The following ROBO2 variants were observed in gnomAD, a reference collection of about 807,000 sequenced individuals.
The protein encoded by ROBO2 is roundabout homolog 2.
In ROBO2, 53 loss-of-function variants were observed where a neutral mutation model predicts 160.8. The observed-to-expected ratio is 0.33, with a 90% confidence interval of 0.26 to 0.41. The LOEUF (loss-of-function observed/expected upper bound fraction) is 0.41, where lower values mean the gene tolerates loss of function less well. ROBO2 is among the 10% of genes least tolerant of loss of function. ROBO2 has a pLI of 1.00. For synonymous variants in ROBO2, 664 were observed against 611.7 expected, an observed-to-expected ratio of 1.09 and a Z score of -1.26; for missense variants, 1,577 against 1,722.4, an observed-to-expected ratio of 0.92 and a Z score of 1.49.
chr3:77,224,948 T>C (rs2086296519), intron 2 of ROBO2, among the ~76,000 whole-genome samples: 1 of 151,942 alleles, frequency 6.6e-6, no homozygotes, highest in Non-Finnish European at 1.5e-5. Context: ...AAATTGTAGC[T>C]ATAGGTTTAA....
At chr3:77,042,640 T>A (rs548503006) in intron 1 of ROBO2, among the ~76,000 whole-genome samples, 1 of 152,310 alleles carries the variant, frequency 6.6e-6, no homozygotes, top group East Asian at 1.9e-4. Context: ...TTAACCAGCT[T>A]GCTGGAGCAG....
chr3:77,338,327 G>A (rs2066704590), intron 2 of ROBO2, among the ~76,000 whole-genome samples: 1 of 152,050 alleles, frequency 6.6e-6, no homozygotes, highest in African/African-American at 2.4e-5. Flanking sequence ...CTCCCCCCTT[G>A]TTCTGGTCAG....
At chr3:77,277,027 A>G (rs1456060740) in intron 2 of ROBO2, among the ~76,000 whole-genome samples, 4 of 152,152 alleles carry the variant, frequency 2.6e-5, no homozygotes, top group Non-Finnish European at 5.9e-5. Flanking sequence ...AAGGTGAGAT[A>G]TGGGTGCGGA....
chr3:77,403,904 GC>G (rs1018056241), intron 2 of ROBO2, among the ~76,000 whole-genome samples: 40 of 152,004 alleles, frequency 2.6e-4, no homozygotes, highest in African/African-American at 9.6e-4. Flanking sequence ...CTGTTCTCAA[GC>G]CTGAATTGCT....
intron 2 of ROBO2, among the ~76,000 whole-genome samples, chr3:76,755,534 C>T (rs2060920796): frequency 1.3e-5 from 2 of 151,848 alleles, no homozygotes; most frequent in Non-Finnish European, 2.9e-5. Flanking sequence ...AACTAGCTAA[C>T]CTTCAAGGCA....
chr3:76,478,629 A>T (rs2107266756), intron 2 of ROBO2, among the ~76,000 whole-genome samples: 1 of 152,090 alleles, frequency 6.6e-6, no homozygotes, highest in African/African-American at 2.4e-5. Flanking sequence ...ATGTGCATTA[A>T]ACAGTTGCAT....
chr3:76,426,489 C>A (rs940466614), intron 2 of ROBO2, among the ~76,000 whole-genome samples: 1 of 151,964 alleles, frequency 6.6e-6, no homozygotes, highest in Admixed American at 6.6e-5. Context: ...AAGGCATGAC[C>A]ACTGGGTCTA....
rs190560046 is a variant in ROBO2 at position 77,346,262 on chromosome 3, G to C, written c.389-131152G>C. Among the ~76,000 whole-genome samples, 600 of 152,158 alleles carry C rather than the reference G, an allele frequency of 3.9e-3. 1 individual carries two copies. The highest frequency in any genetic ancestry group is 8.7e-3 in the Admixed American group (133 of 15,260). ...AAATGTAATCCCTTTTAAAACAAAT[G>C]TAAGTCATGCTTTTTAAGCTAAATG... On this transcript the variant is annotated intron_variant, in intron 2 of 25. Coordinates refer to ENST00000461745, the Ensembl canonical transcript of ROBO2.
intron 2 of ROBO2, among the ~76,000 whole-genome samples, chr3:76,206,820 G>A (rs537125863): frequency 1.5e-4 from 23 of 152,096 alleles, no homozygotes; most frequent in South Asian, 4.1e-4. Context: ...GGGTAGTAAT[G>A]TGCAAAGCAT....
At chr3:76,759,515 T>A (rs1338428013) in intron 2 of ROBO2, among the ~76,000 whole-genome samples, 1 of 151,782 alleles carries the variant, frequency 6.6e-6, no homozygotes, top group African/African-American at 2.4e-5. Flanking sequence ...AGGTTGGCGA[T>A]ATGGCACAAC....
At chr3:77,521,876 C>T (rs2090632541) in intron 5 of ROBO2, among the ~76,000 whole-genome samples, 1 of 150,964 alleles carries the variant, frequency 6.6e-6, no homozygotes, top group Non-Finnish European at 1.5e-5. Flanking sequence ...CAGACACAAC[C>T]AATTAAAATG....
At chr3:76,306,569 T>A (rs1369053090) in intron 2 of ROBO2, among the ~76,000 whole-genome samples, 1 of 152,120 alleles carries the variant, frequency 6.6e-6, no homozygotes, top group Non-Finnish European at 1.5e-5. Context: ...TTGAAGCAAA[T>A]GCTAGCAGGA....
chr3:76,401,231 AT>A (rs1186283248), intron 2 of ROBO2, among the ~76,000 whole-genome samples: 1 of 151,476 alleles, frequency 6.6e-6, no homozygotes, highest in Non-Finnish European at 1.5e-5. Context: ...TATCTTGTAA[AT>A]TTTTTGAAAC....
intron 2 of ROBO2, among the ~76,000 whole-genome samples, chr3:76,637,874 A>G (rs2090426418): frequency 6.6e-6 from 1 of 152,208 alleles, no homozygotes. Context: ...AGATTTACAT[A>G]GAATCTAAAA....
At chr3:77,251,469 G>C (rs928581823) in intron 2 of ROBO2, among the ~76,000 whole-genome samples, 1 of 152,102 alleles carries the variant, frequency 6.6e-6, no homozygotes, top group Non-Finnish European at 1.5e-5. Flanking sequence ...CAACGCCCTA[G>C]CTTGCTTAGA....
At chr3:76,322,309 A>G (rs1475859797) in intron 2 of ROBO2, among the ~76,000 whole-genome samples, 2 of 151,246 alleles carry the variant, frequency 1.3e-5, no homozygotes, top group Admixed American at 1.3e-4. Flanking sequence ...TATAATTACT[A>G]CATTTCACTG....
Position 77,188,949 on chromosome 3 carries a change from T to TTGTGTGTGTGTGTGTG in ROBO2, c.388+90614_388+90629dup, listed in dbSNP as rs369545817. Among the ~76,000 whole-genome samples, 517 of 142,910 alleles carry TTGTGTGTGTGTGTGTG rather than the reference T, an allele frequency of 3.6e-3. 2 individuals carry two copies. The highest frequency in any genetic ancestry group is 0.011 in the South Asian group (48 of 4,386). 93.8% of individuals were successfully genotyped at this position (142,910 alleles called of 152,430 possible). A position where few individuals can be genotyped will look rare whatever the true frequency, so the allele number is the denominator to read the frequency against. The stretch of plus-strand genomic sequence containing the variant: ...TTGAAGCCAGATTACTTTTGTAATC[T>TTGTGTGTGTGTGTGTG]TGTGTGTGTGTGTGTGTGTGAGAGA... On this transcript the variant is annotated intron_variant, in intron 2 of 25. Transcript: ENST00000461745.
At chr3:76,619,326 C>T (rs1283385160) in intron 2 of ROBO2, among the ~76,000 whole-genome samples, 1 of 136,276 alleles carries the variant, frequency 7.3e-6, no homozygotes. Context: ...GGCGACAGAG[C>T]GAGACTCCGT....
rs1393214831 is a variant in ROBO2 at position 77,511,726 on chromosome 3, T to C, written c.807-11049T>C. Among the ~76,000 whole-genome samples, 6 of 152,062 alleles carry C rather than the reference T, an allele frequency of 3.9e-5. No homozygotes were observed. In the East Asian group the frequency reaches 7.8e-4, roughly 20 times the overall value. On this transcript the variant is annotated intron_variant, in intron 5 of 25. Transcript: ENST00000461745. ...CTAAAATATTGTTTGGTTTGGCTAA[T>C]TAAGACAAGATAAGGATGCCATCAT...
Sources: gnomAD v4.1 joint callset for allele counts (sites outside exome capture counted in the v4.1 genomes callset) on GRCh38, gnomAD v4.1.1 for gene constraint, MANE v1.5 for transcripts, NCBI Gene and HGNC (gene_info 2026-07-23, HGNC 2026-07-21) for gene names.